Variants in CGAS observed in about 807,000 individuals in gnomAD.
The protein encoded by CGAS is 2'3'-cGAMP synthase.
A neutral mutation model predicts 34.0 loss-of-function variants in CGAS; 31 were observed. The observed-to-expected ratio is 0.91, with a 90% confidence interval of 0.69 to 1.23. CGAS has a LOEUF of 1.23. Among genes scored for constraint, CGAS ranks in the 50% most tolerant of loss-of-function variants. The pLI is 0.00. For synonymous variants in CGAS, 266 were observed against 260.0 expected (o/e 1.02, Z -0.22); for missense variants, 597 against 657.6 (o/e 0.91, Z 1.01).
At position 73,425,105 on chromosome 6, in the gene CGAS, C is replaced by G; in HGVS notation, c.*122G>C. The G allele has an allele frequency of 1.5e-6, 1 of 664,588 alleles. No individual in the cohort carries two copies. The highest frequency in any genetic ancestry group is 2.4e-6 in the Non-Finnish European group (1 of 411,524). The allele number at this position is 664,588 out of a possible 1,614,324, so 41.2% of individuals were successfully genotyped here. On this transcript the variant is annotated 3_prime_UTR_variant, in exon 5 of 5. Coordinates refer to ENST00000370315, the MANE Select transcript of CGAS (RefSeq NM_138441.3). Reference sequence around the variant, plus strand: ...CTGACCTCAAGTGATCCGCCTGCCTCGGCCTCCAAAGAGCTGGGATTACAG... The same window carrying G: ...CTGACCTCAAGTGATCCGCCTGCCTGGGCCTCCAAAGAGCTGGGATTACAG...
intron 4 of CGAS, 135 bp from the exon 5 acceptor site, chr6:73,425,713 G>C: frequency 1.7e-6 from 1 of 589,484 alleles, no homozygotes; most frequent in Admixed American, 3.4e-5. Flanking sequence ...GTGACACAAC[G>C]CCTGTAATCC....
Position 73,425,282 on chromosome 6 carries a change from G to A in CGAS, c.1514C>T (p.Thr505Ile). 1 of 1,596,954 alleles carries A rather than the reference G, an allele frequency of 6.3e-7. No homozygotes were observed. The highest frequency in any genetic ancestry group is 1.1e-5 in the South Asian group (1 of 87,264). Residue 505 changes from threonine (T) to isoleucine (I), a missense_variant, in exon 5 of 5, where the codon ACA (threonine) becomes ATA (isoleucine). By Grantham distance (89) the Thr-to-Ile change is moderately conservative. Coordinates refer to ENST00000370315, the MANE Select transcript of CGAS (RefSeq NM_138441.3). ...GTTTCTTTCATATTCAATTTGCTTT[G>A]TCAGAAATTCCTTACTTCTTTTGTC... The part of the protein sequence containing the change: ...LIDKRSKEFL[T>I]KQIEYERNNE...
At chr6:73,425,794 G>A (rs761026487) in intron 4 of CGAS, among the ~76,000 whole-genome samples, 54 of 151,822 alleles carry the variant, frequency 3.6e-4, no homozygotes, top group Non-Finnish European at 4.7e-4. Context: ...GACTAATATG[G>A]TGAAACCCCG....
intron 2 of CGAS, among the ~76,000 whole-genome samples, chr6:73,443,761 A>G (rs1770422334): frequency 1.3e-5 from 2 of 152,236 alleles, no homozygotes; most frequent in Non-Finnish European, 2.9e-5. Flanking sequence ...GTAATAACAT[A>G]CAACACAAAT....
At chr6:73,444,071 C>A (rs1482586375) in intron 2 of CGAS, among the ~76,000 whole-genome samples, 1 of 152,130 alleles carries the variant, frequency 6.6e-6, no homozygotes, top group Non-Finnish European at 1.5e-5. Context: ...CTCACTGCAA[C>A]CTCCACCTCT....
chr6:73,441,521 C>G lies in CGAS; in HGVS notation c.878-1076G>C, dbSNP rs187777166. On this transcript the variant is annotated intron_variant, in intron 2 of 4. Transcript: ENST00000370315. ...GAGCCTTGGGATGCCATCCCAGGAT[C>G]TTGGCCTTCCTAGGCCTAATGGCTG... 2.0e-5 allele frequency among the ~76,000 whole-genome samples: 3 copies of G among 152,314 alleles called. No individual in the cohort carries two copies. The East Asian group carries it at 5.8e-4, about 29-fold the overall frequency.
rs1770068085 is a variant in CGAS, at chr6:73,425,411, A to T, written c.1385T>A (p.Leu462His). 4 of 1,613,932 alleles carry T rather than the reference A, an allele frequency of 2.5e-6. No homozygotes were observed. Among genetic ancestry groups the T allele is most frequent in the Non-Finnish European group, 3.4e-6 (4 of 1,179,994 alleles). The change falls in exon 5 of 5, where the codon CTC becomes CAC. Residue 462 changes from leucine (L) to histidine (H), a missense_variant. Around this residue, in one of 3 missense-constraint regions of CGAS, gnomAD observed 271 missense variants for 324.1 expected, o/e 0.84. Transcript: ENST00000370315. ...DSQWDRKDLG[L>H]CFDNCVTYFL... ...GTATGTCACGCAGTTATCAAAGCAGAGGCCCAGGTCTTTGCGGTCCCACTG... is the reference window on the plus strand; with the variant it reads ...GTATGTCACGCAGTTATCAAAGCAGTGGCCCAGGTCTTTGCGGTCCCACTG...
chr6:73,428,668 T>C (rs752216402), intron 4 of CGAS, 41 bp downstream of exon 4: 3 of 1,569,258 alleles, frequency 1.9e-6, no homozygotes, highest in African/African-American at 2.7e-5. Flanking sequence ...TAATTAAGCA[T>C]ACCATAGATA....
At chr6:73,430,612 G>C (rs1471133173) in intron 3 of CGAS, among the ~76,000 whole-genome samples, 1 of 151,744 alleles carries the variant, frequency 6.6e-6, no homozygotes, top group East Asian at 1.9e-4. Flanking sequence ...CTGCACTCCA[G>C]CCTGGACAAC....
intron 3 of CGAS, among the ~76,000 whole-genome samples, chr6:73,435,656 G>A (rs1180724137): frequency 1.3e-5 from 2 of 151,854 alleles, no homozygotes; most frequent in Middle Eastern, 3.4e-3. Flanking sequence ...AAAAACATAT[G>A]TCCTGGCCAT....
In CGAS at chr6:73,452,262, A is replaced by G; in HGVS notation, c.-81T>C. ...AGGAAGAGCCAGCAGCAGCTGTTGG[A>G]AACCAAGCACTACTGGCGGGCACAC... On this transcript the variant is annotated 5_prime_UTR_variant, in exon 1 of 5. Transcript: ENST00000370315. The G allele has an allele frequency of 6.9e-7, 1 of 1,456,850 alleles. No homozygotes were observed. Among genetic ancestry groups the G allele is most frequent in the Non-Finnish European group, 9.1e-7 (1 of 1,100,872 alleles). The allele number at this position is 1,456,850 out of a possible 1,614,324, so 90.2% of individuals were successfully genotyped here.
At chr6:73,440,817 A>G (rs890935200) in intron 2 of CGAS, among the ~76,000 whole-genome samples, 3 of 151,908 alleles carry the variant, frequency 2.0e-5, no homozygotes, top group Non-Finnish European at 4.4e-5. Context: ...CATGAGAATC[A>G]CTTGAACCCA....
Position 73,425,339 on chromosome 6 carries a change from G to A in CGAS, c.1457C>T (p.Pro486Leu), listed in dbSNP as rs1211647911. The A allele has an allele frequency of 2.5e-6, 4 of 1,610,934 alleles. No individual in the cohort carries two copies. Among genetic ancestry groups the A allele is most frequent in the African/African-American group, 2.7e-5 (2 of 74,598 alleles). The part of the protein sequence containing the change: ...RTEKLENYFI[P>L]EFNLFSSNLI... The stretch of plus-strand genomic sequence containing the variant: ...GTTGCTAGAGAATAGATTGAATTCA[G>A]GAATAAAATAATTCTCAAGTTTTTC... Residue 486 changes from proline to leucine, a missense_variant, in exon 5 of 5, where the codon CCT becomes CTT. Transcript: ENST00000370315.
rs761679403 is a variant in CGAS, at chr6:73,451,580, G to T, written c.602C>A (p.Ser201Tyr). The change falls in exon 1 of 5, where the codon TCC (serine) becomes TAC (tyrosine). Residue 201 changes from serine (S) to tyrosine (Y), a missense_variant. Around this residue, in one of 3 missense-constraint regions of CGAS, gnomAD observed 321 missense variants for 314.3 expected, o/e 1.02. Coordinates refer to ENST00000370315, the MANE Select transcript of CGAS (RefSeq NM_138441.3). ...CAGCAGCCCGACGCCTCTGAACGCG[G>T]AGTCGCACTTCAGTCTGAGCAGCAG... ...DHLLLRLKCD[S>Y]AFRGVGLLNT... is the part of the protein sequence containing the mutation. 1 of 1,612,458 alleles carries T rather than the reference G, an allele frequency of 6.2e-7. No individual in the cohort carries two copies. The highest frequency in any genetic ancestry group is 8.5e-7 in the Non-Finnish European group (1 of 1,179,374).
In CGAS at chr6:73,451,740, C is replaced by A; in HGVS notation, c.442G>T (p.Val148Phe). ...PWDVPSPGLP[V>F]SAPILVRRDA... is the part of the protein sequence containing the mutation. Reference sequence around the variant, plus strand: ...CTCCGTACGAGAATGGGGGCCGAGACCGGCAGGCCGGGGCTGGGCACGTCC... The same window carrying A: ...CTCCGTACGAGAATGGGGGCCGAGAACGGCAGGCCGGGGCTGGGCACGTCC... Residue 148 changes from valine to phenylalanine, a missense_variant, in exon 1 of 5, where the codon GTC (valine) becomes TTC (phenylalanine). Physicochemically the swap from Val to Phe is conservative, Grantham distance 50. Around this residue, in one of 3 missense-constraint regions of CGAS, gnomAD observed 321 missense variants for 314.3 expected, o/e 1.02. Coordinates refer to ENST00000370315, the MANE Select transcript of CGAS (RefSeq NM_138441.3). 1 of 1,611,606 alleles carries A rather than the reference C, an allele frequency of 6.2e-7. No homozygotes were observed. The highest frequency in any genetic ancestry group is 2.2e-5 in the East Asian group (1 of 44,814).
At position 73,424,561 on chromosome 6, in the gene CGAS, C is replaced by A. The variant is rs775724930; in HGVS notation, c.*666G>T. 1 of 151,574 alleles carries A rather than the reference C, an allele frequency of 6.6e-6. No homozygotes were observed. Among genetic ancestry groups the A allele is most frequent in the African/African-American group, 2.4e-5 (1 of 41,278 alleles). The allele number at this position is 151,574 out of a possible 1,614,324, so 9.4% of individuals were successfully genotyped here. A position where few individuals can be genotyped will look rare whatever the true frequency, so the allele number is the denominator to read the frequency against. ...TTTTTTTATTCCAACCTAAAAATGT[C>A]ATTTATTTATTTATTTGCCTGCATG... is the stretch of plus-strand genomic sequence containing the variant. On this transcript the variant is annotated 3_prime_UTR_variant, in exon 5 of 5. Transcript: ENST00000370315.
At chr6:73,444,764 A>G (rs1002366588) in intron 2 of CGAS, among the ~76,000 whole-genome samples, 1 of 152,202 alleles carries the variant, frequency 6.6e-6, no homozygotes, top group Non-Finnish European at 1.5e-5. Context: ...TAGTTCAGGT[A>G]AAAGATGGTG....
intron 3 of CGAS, chr6:73,439,991 T>C (rs940193517): frequency 2.1e-6 from 1 of 485,560 alleles, no homozygotes; most frequent in Non-Finnish European, 3.6e-6. Flanking sequence ...AATTCAAATA[T>C]GGATTGCTAG....
At chr6:73,440,509 G>A (rs1770359737) in intron 2 of CGAS, 64 bp from the exon 3 acceptor site, 8 of 1,298,848 alleles carry the variant, frequency 6.2e-6, no homozygotes, top group South Asian at 4.0e-5. Flanking sequence ...AAATACAGGG[G>A]AAATAATGTA....
Sources: gnomAD v4.1 joint callset for allele counts (sites outside exome capture counted in the v4.1 genomes callset) on GRCh38, gnomAD v4.1.1 for gene constraint, gnomAD v4.1.1 regional missense constraint, MANE v1.5 for transcripts, NCBI Gene and HGNC (gene_info 2026-07-23, HGNC 2026-07-21) for gene names.